MAG: variants seen among roughly 807,000 people sequenced by gnomAD.
MAG encodes myelin associated glycoprotein.
MAG carries 30 observed loss-of-function variants against 60.7 expected under a neutral mutation model. That is an observed-to-expected ratio of 0.49 (90% confidence interval 0.37 to 0.67). The LOEUF is 0.67. Ranked by LOEUF, MAG falls within the 30% of genes least tolerant of loss-of-function variation. MAG has a pLI of 0.00. For synonymous variants in MAG, 384 were observed against 376.8 expected, an observed-to-expected ratio of 1.02 and a Z score of -0.22; for missense variants, 795 against 851.7, an observed-to-expected ratio of 0.93 and a Z score of 0.83.
intron 7 of MAG, among the ~76,000 whole-genome samples, chr19:35,306,833 T>C (rs1446967013): frequency 1.3e-5 from 2 of 152,366 alleles, no homozygotes; most frequent in South Asian, 2.1e-4. Context: ...TTTGCACAGA[T>C]GAGAACTCCA....
At chr19:35,298,329 A>G (rs1249522168) in intron 4 of MAG, among the ~76,000 whole-genome samples, 3 of 149,988 alleles carry the variant, frequency 2.0e-5, no homozygotes, top group Non-Finnish European at 4.4e-5. Flanking sequence ...ACCACACGCC[A>G]CACACCACAC....
Position 35,313,485 on chromosome 19 carries a change from C to T in MAG, c.*31C>T, listed in dbSNP as rs200371835. On this transcript the variant is annotated 3_prime_UTR_variant, in exon 11 of 11. Coordinates refer to ENST00000392213, the MANE Select transcript of MAG (RefSeq NM_002361.4). Reference sequence around the variant, plus strand: ...CTGGGGGCAGCCTGCGTGGCTGACCCCCCTCAGGACCCTCGCTGGCCCCCA... The same window carrying T: ...CTGGGGGCAGCCTGCGTGGCTGACCTCCCTCAGGACCCTCGCTGGCCCCCA... 1 of 1,573,062 alleles carries T rather than the reference C, an allele frequency of 6.4e-7. No individual in the cohort carries two copies. The highest frequency in any genetic ancestry group is 1.4e-5 in the African/African-American group (1 of 72,946).
intron 1 of MAG, 147 bp downstream of exon 1, chr19:35,292,351 G>A (rs1299006692): frequency 1.9e-5 from 8 of 423,910 alleles, no homozygotes; most frequent in Admixed American, 9.7e-5. Flanking sequence ...GTGGCTTGGG[G>A]CTGCTTTGGG....
At chr19:35,300,124 C>T in intron 5 of MAG, 23 bp from the exon 6 acceptor site, 1 of 1,513,552 alleles carries the variant, frequency 6.6e-7, no homozygotes. Context: ...TGCTCACTAA[C>T]CTCGCTGTGT....
Position 35,295,835 on chromosome 19 carries a change from G to T in MAG, c.269G>T (p.Arg90Leu). ...VVHESFQGRS[R>L]LLGDLGLRNC... is the part of the protein sequence containing the mutation. ...CACGAGAGCTTCCAGGGCCGCAGCC[G>T]CCTCCTGGGGGACCTGGGCCTGCGA... Residue 90 changes from arginine (R) to leucine (L), a missense_variant, in exon 4 of 11, where the codon CGC (arginine) becomes CTC (leucine). Arg to Leu is a moderately radical substitution (Grantham distance 102). Coordinates refer to ENST00000392213, the MANE Select transcript of MAG (RefSeq NM_002361.4). This position sits in a 1 kb window ranked among gnomAD's most constrained non-coding sequence, Gnocchi z 5.8. The T allele has an allele frequency of 6.2e-7, 1 of 1,613,928 alleles. No homozygotes were observed. The highest frequency in any genetic ancestry group is 8.5e-7 in the Non-Finnish European group (1 of 1,180,032).
rs2145625902 is a variant in MAG, at chr19:35,310,625, T to A, written c.1598T>A (p.Ile533Asn). The change falls in exon 9 of 11, where the codon ATT (isoleucine) becomes AAT (asparagine). Residue 533 changes from isoleucine to asparagine, a missense_variant. Transcript: ENST00000392213. ...ATCCTGATTGCCATCGTCTGCTACA[T>A]TACCCAGACACGCAGGAAGTGAGTG... is the stretch of plus-strand genomic sequence containing the variant. Reference protein sequence around the residue: ...FAILIAIVCYITQTRRKKNVT... With the variant: ...FAILIAIVCYNTQTRRKKNVT... The A allele has an allele frequency of 6.2e-7, 1 of 1,614,070 alleles. No individual in the cohort carries two copies.
chr19:35,299,345 G>A (rs564448170), intron 4 of MAG, among the ~76,000 whole-genome samples: 56 of 152,290 alleles, frequency 3.7e-4, no homozygotes, highest in African/African-American at 1.3e-3. Context: ...TTACGATGGC[G>A]CTCTGGTGGC....
Position 35,295,284 on chromosome 19 carries a change from T to C in MAG, c.-23-102T>C. 8.1e-6 allele frequency: 7 copies of C among 862,934 alleles called. No homozygotes were observed. Among genetic ancestry groups the C allele is most frequent in the South Asian group, 8.0e-5 (5 of 62,650 alleles). 53.5% of individuals were successfully genotyped at this position (862,934 alleles called of 1,614,324 possible). On this transcript the variant is annotated intron_variant, in intron 2 of 10. Coordinates refer to ENST00000392213, the MANE Select transcript of MAG (RefSeq NM_002361.4). This position sits in a 1 kb window ranked among gnomAD's most constrained non-coding sequence, Gnocchi z 5.8. Reference sequence around the variant, plus strand: ...AAATAAATGCATAAATAAATAATAATAGCAGCAGCAGCTAACATATGAATG... The same window carrying C: ...AAATAAATGCATAAATAAATAATAACAGCAGCAGCAGCTAACATATGAATG...
chr19:35,299,768 C>G lies in MAG; in HGVS notation c.630C>G (p.Ala210=). 6.4e-7 allele frequency: 1 copy of G among 1,550,508 alleles called. No homozygotes were observed. The highest frequency in any genetic ancestry group is 1.2e-5 in the South Asian group (1 of 84,818). Residue 210 remains alanine (A), a synonymous_variant, in exon 5 of 11, where the codon GCC becomes GCG. Transcript: ENST00000392213. ...TGCACTTCGTGCCCACGAGGGAGGC[C>G]AACGGCCACAGGCTGGGCTGCCAGG... The part of the protein sequence containing the change: ...SLLHFVPTRE[A]NGHRLGCQAS...
At chr19:35,298,233 C>T (rs1452386515) in intron 4 of MAG, among the ~76,000 whole-genome samples, 1 of 150,696 alleles carries the variant, frequency 6.6e-6, no homozygotes, top group African/African-American at 2.4e-5. Flanking sequence ...CACATCACAA[C>T]ACAAACCACA....
rs73031737 is a variant in MAG at position 35,313,710 on chromosome 19, C to G, written c.*256C>G. 2,704 of 373,382 alleles carry G rather than the reference C, an allele frequency of 7.2e-3. 17 individuals carry two copies. The highest frequency in any genetic ancestry group is 0.011 in the Non-Finnish European group (2,200 of 207,656). 23.1% of individuals were successfully genotyped at this position (373,382 alleles called of 1,614,324 possible). ...TGTCTGGAGGGGAGCTCTGTCTGTC[C>G]GTGTTATTTATTGCTACTTCCTGCC... On this transcript the variant is annotated 3_prime_UTR_variant, in exon 11 of 11. Coordinates refer to ENST00000392213, the MANE Select transcript of MAG (RefSeq NM_002361.4).
At position 35,295,979 on chromosome 19, in the gene MAG, T is replaced by A; in HGVS notation, c.413T>A (p.Val138Asp). Residue 138 changes from valine (V) to aspartate (D), a missense_variant and splice_region_variant, in exon 4 of 11, where the codon GTC (valine) becomes GAC (aspartate). Transcript: ENST00000392213. The surrounding 1 kb of genome is among the most constrained non-coding windows in gnomAD (Gnocchi z 5.8). ...TCAGAGCACAGCGTCCTGGATATCGTCAGTGAGTCCCCAGCGGTTGTGCAG... is the reference window on the plus strand; with the variant it reads ...TCAGAGCACAGCGTCCTGGATATCGACAGTGAGTCCCCAGCGGTTGTGCAG... The part of the protein sequence containing the change: ...TFSEHSVLDI[V>D]NTPNIVVPPE... 1.3e-6 allele frequency: 2 copies of A among 1,569,992 alleles called. No homozygotes were observed. The highest frequency in any genetic ancestry group is 1.7e-6 in the Non-Finnish European group (2 of 1,155,718).
At position 35,302,483 on chromosome 19, in the gene MAG, G is replaced by A; in HGVS notation, c.1006G>A (p.Val336Met). Residue 336 changes from valine (V) to methionine (M), a missense_variant, in exon 7 of 11, where the codon GTG becomes ATG. Val to Met is a conservative substitution (Grantham distance 21). Coordinates refer to ENST00000392213, the MANE Select transcript of MAG (RefSeq NM_002361.4). ...GAAGCCAACAGTGAACGGGACAATG[G>A]TGGCCGTAGAGGGGGAGACGGTCTC... ...PWKPTVNGTM[V>M]AVEGETVSIL... is the part of the protein sequence containing the mutation. The A allele has an allele frequency of 6.2e-7, 1 of 1,614,188 alleles. No homozygotes were observed. The highest frequency in any genetic ancestry group is 1.1e-5 in the South Asian group (1 of 91,086).
chr19:35,307,372 G>A (rs1470253129), intron 7 of MAG, among the ~76,000 whole-genome samples: 8 of 152,142 alleles, frequency 5.3e-5, no homozygotes, highest in African/African-American at 1.9e-4. Flanking sequence ...GTGAGCCAAG[G>A]GTCTCTTGCC....
intron 10 of MAG, chr19:35,312,584 C>A: frequency 3.4e-6 from 2 of 581,892 alleles, no homozygotes; most frequent in Non-Finnish European, 6.1e-6. Flanking sequence ...ATGTCACCTG[C>A]AGGACCTCCC....
rs1469984506 is a variant in MAG at position 35,293,150 on chromosome 19, C to A, written c.-80+946C>A. ...GCATCTCTCTCCTGTACCTTCCTGTCACAGGTGCAAGGGCAGCGTCGGCCA... is the reference window on the plus strand; with the variant it reads ...GCATCTCTCTCCTGTACCTTCCTGTAACAGGTGCAAGGGCAGCGTCGGCCA... On this transcript the variant is annotated intron_variant, in intron 1 of 10. Coordinates refer to ENST00000392213, the MANE Select transcript of MAG (RefSeq NM_002361.4). This position sits in a 1 kb window ranked among gnomAD's most constrained non-coding sequence, Gnocchi z 4.0. Among the ~76,000 whole-genome samples the A allele has an allele frequency of 6.6e-6, 1 of 152,176 alleles. No individual in the cohort carries two copies. Among genetic ancestry groups the A allele is most frequent in the East Asian group, 1.9e-4 (1 of 5,192 alleles).
intron 7 of MAG, 57 bp downstream of exon 7, chr19:35,302,765 G>C: frequency 6.3e-7 from 1 of 1,585,066 alleles, no homozygotes; most frequent in Non-Finnish European, 8.6e-7. Flanking sequence ...GGGACACCAG[G>C]GTTACTGTGG....
chr19:35,307,216 G>C (rs2066492306), intron 7 of MAG, among the ~76,000 whole-genome samples: 1 of 152,212 alleles, frequency 6.6e-6, no homozygotes, highest in South Asian at 2.1e-4. Flanking sequence ...AGCTCTGCCC[G>C]AACAGGACTT....
Position 35,310,030 on chromosome 19 carries a change from C to T in MAG, c.1388C>T (p.Ser463Leu), listed in dbSNP as rs200434392. The T allele has an allele frequency of 2.4e-5, 39 of 1,613,766 alleles. No individual in the cohort carries two copies. Among genetic ancestry groups the T allele is most frequent in the Middle Eastern group, 1.6e-4 (1 of 6,084 alleles). ...VNESEREFVY[S>L]ERSGLVLTSI... Reference sequence around the variant, plus strand: ...GAGAGCGAGCGGGAGTTCGTGTACTCGGAGCGCAGCGGCCTCGTGCTCACC... The same window carrying T: ...GAGAGCGAGCGGGAGTTCGTGTACTTGGAGCGCAGCGGCCTCGTGCTCACC... Residue 463 changes from serine (S) to leucine (L), a missense_variant, in exon 8 of 11, where the codon TCG becomes TTG. Coordinates refer to ENST00000392213, the MANE Select transcript of MAG (RefSeq NM_002361.4).
Sources: gnomAD v4.1 joint callset for allele counts (sites outside exome capture counted in the v4.1 genomes callset) on GRCh38, gnomAD v4.1.1 for gene constraint, Gnocchi (gnomAD v3.1) non-coding constraint, MANE v1.5 for transcripts, NCBI Gene and HGNC (gene_info 2026-07-23, HGNC 2026-07-21) for gene names.